The following DLGAP1 variants were observed in gnomAD, a reference collection of about 807,000 sequenced individuals.
DLGAP1 encodes disks large-associated protein 1.
A neutral mutation model predicts 90.8 loss-of-function variants in DLGAP1; 11 were observed. That is an observed-to-expected ratio of 0.12 (90% confidence interval 0.08 to 0.20). The LOEUF (loss-of-function observed/expected upper bound fraction) is 0.20. Among genes scored for constraint, DLGAP1 ranks in the 10% least tolerant of loss-of-function variants. DLGAP1 has a pLI of 1.00. For synonymous variants in DLGAP1, 558 were observed against 540.7 expected, an observed-to-expected ratio of 1.03 and a Z score of -0.44; for missense variants, 1,050 against 1,333.8, an observed-to-expected ratio of 0.79 and a Z score of 3.31.
At chr18:3,857,722 T>C (rs2069738602) in intron 4 of DLGAP1, among the ~76,000 whole-genome samples, 1 of 152,150 alleles carries the variant, frequency 6.6e-6, no homozygotes, top group African/African-American at 2.4e-5. Flanking sequence ...GCTTGTGATG[T>C]CTCATCTTCT....
intron 3 of DLGAP1, among the ~76,000 whole-genome samples, chr18:3,994,857 T>C (rs183360994): frequency 2.6e-5 from 4 of 152,240 alleles, no homozygotes; most frequent in Admixed American, 2.0e-4. Context: ...CACAGCTCTT[T>C]AATACATATA....
intron 2 of DLGAP1, among the ~76,000 whole-genome samples, chr18:4,049,119 C>T (rs1177821563): frequency 4.0e-5 from 6 of 151,082 alleles, no homozygotes; most frequent in Admixed American, 6.6e-5. Flanking sequence ...TCCAGCTAGT[C>T]GGGAGGCTGT....
At chr18:3,542,606 A>G (rs2052755145) in intron 9 of DLGAP1, among the ~76,000 whole-genome samples, 1 of 152,230 alleles carries the variant, frequency 6.6e-6, no homozygotes. Context: ...GCTTTCCAGA[A>G]CATTGTTATG....
chr18:4,057,053 ACACACAC>A (rs1415915961), intron 2 of DLGAP1, among the ~76,000 whole-genome samples: 80 of 132,558 alleles, frequency 6.0e-4, no homozygotes, highest in Non-Finnish European at 8.6e-4. Flanking sequence ...ACACACACAC[ACACACAC>A]ATTACAGCAG....
At chr18:3,968,968 T>G (rs972553402) in intron 3 of DLGAP1, among the ~76,000 whole-genome samples, 6 of 152,144 alleles carry the variant, frequency 3.9e-5, no homozygotes, top group African/African-American at 1.4e-4. Context: ...CCAACTTTCT[T>G]TTAAAAGACA....
chr18:3,976,072 G>A (rs2073567066), intron 3 of DLGAP1, among the ~76,000 whole-genome samples: 1 of 151,952 alleles, frequency 6.6e-6, no homozygotes, highest in Non-Finnish European at 1.5e-5. Context: ...TAAGGCCGAG[G>A]GCAGTGGCTC....
At chr18:3,614,056 G>A (rs1468830255) in intron 7 of DLGAP1, among the ~76,000 whole-genome samples, 1 of 152,050 alleles carries the variant, frequency 6.6e-6, no homozygotes, top group Non-Finnish European at 1.5e-5. Flanking sequence ...CAGGTAGCTG[G>A]GATTATAGGT....
At chr18:3,795,017 A>C (rs1275831687) in intron 5 of DLGAP1, among the ~76,000 whole-genome samples, 2 of 152,232 alleles carry the variant, frequency 1.3e-5, no homozygotes, top group African/African-American at 4.8e-5. Flanking sequence ...TCCAATGAAT[A>C]CTTATTTATT....
intron 2 of DLGAP1, among the ~76,000 whole-genome samples, chr18:4,024,069 G>A (rs1192087050): frequency 6.6e-6 from 1 of 152,052 alleles, no homozygotes; most frequent in African/African-American, 2.4e-5. Flanking sequence ...CAAAAGCTTT[G>A]AAAAATTATT....
chr18:4,332,652 T>C (rs114283707), intron 1 of DLGAP1, among the ~76,000 whole-genome samples: 3 of 152,034 alleles, frequency 2.0e-5, no homozygotes, highest in African/African-American at 7.3e-5. Flanking sequence ...CATTTGAATA[T>C]TTCACATTTG....
rs35444466 is a variant in DLGAP1 at position 3,675,539 on chromosome 18, G to A, written c.1591+53596C>T. The stretch of plus-strand genomic sequence containing the variant: ...CTCTGGCCTCAGAGTCTGAATTTTC[G>A]TCTCCAAAGATCTGTTGCTAATAAG... On this transcript the variant is annotated intron_variant, in intron 7 of 12. Coordinates refer to ENST00000315677, the MANE Select transcript of DLGAP1 (RefSeq NM_004746.4). 1.4e-3 allele frequency among the ~76,000 whole-genome samples: 214 copies of A among 152,294 alleles called. 1 individual carries two copies. The highest frequency in any genetic ancestry group is 2.0e-3 in the Non-Finnish European group (139 of 68,026).
chr18:3,966,680 G>A (rs2073338992), intron 3 of DLGAP1, among the ~76,000 whole-genome samples: 1 of 152,224 alleles, frequency 6.6e-6, no homozygotes, highest in African/African-American at 2.4e-5. Context: ...TACTGAGGCA[G>A]GAAAGACGGG....
intron 9 of DLGAP1, among the ~76,000 whole-genome samples, chr18:3,558,891 A>G (rs549148662): frequency 6.6e-6 from 1 of 152,360 alleles, no homozygotes; most frequent in Non-Finnish European, 1.5e-5. Context: ...CCCTGAGAAT[A>G]CTTGCTGGTG....
At chr18:4,106,766 T>C (rs541488097) in intron 2 of DLGAP1, among the ~76,000 whole-genome samples, 14 of 152,314 alleles carry the variant, frequency 9.2e-5, no homozygotes, top group African/African-American at 3.1e-4. Flanking sequence ...ACCAAAGCTT[T>C]TAATATCAGA....
chr18:3,577,408 A>C (rs2055221210), intron 8 of DLGAP1, among the ~76,000 whole-genome samples: 1 of 152,176 alleles, frequency 6.6e-6, no homozygotes, highest in African/African-American at 2.4e-5. Flanking sequence ...CTGGTCTGTG[A>C]TTTCCTGGAT....
At chr18:4,158,257 T>C (rs2076789016) in intron 1 of DLGAP1, among the ~76,000 whole-genome samples, 1 of 144,696 alleles carries the variant, frequency 6.9e-6, no homozygotes, top group South Asian at 2.3e-4. Context: ...TGGTAAAATT[T>C]GTGCTAAGTT....
intron 1 of DLGAP1, among the ~76,000 whole-genome samples, chr18:4,271,127 C>T (rs1047556555): frequency 1.3e-5 from 2 of 152,176 alleles, no homozygotes; most frequent in Non-Finnish European, 2.9e-5. Flanking sequence ...TGACAGCTTT[C>T]TCCAAGCTGG....
chr18:3,687,548 A>G (rs143215787), intron 7 of DLGAP1, among the ~76,000 whole-genome samples: 59 of 152,356 alleles, frequency 3.9e-4, no homozygotes, highest in Non-Finnish European at 6.6e-4. Context: ...AATCCTTGAG[A>G]ATTTTGAAGA....
At chr18:4,338,855 T>C (rs754700177) in intron 1 of DLGAP1, among the ~76,000 whole-genome samples, 37 of 152,192 alleles carry the variant, frequency 2.4e-4, no homozygotes, top group Non-Finnish European at 1.0e-4. Context: ...AACAGAGTCA[T>C]TTATTCAATG....
Sources: gnomAD v4.1 joint callset for allele counts (sites outside exome capture counted in the v4.1 genomes callset) on GRCh38, gnomAD v4.1.1 for gene constraint, MANE v1.5 for transcripts, NCBI Gene and HGNC (gene_info 2026-07-23, HGNC 2026-07-21) for gene names.